Variants in ATG2A observed in about 807,000 individuals in gnomAD.
ATG2A encodes autophagy-related protein 2 homolog A.
Under a neutral mutation model 214.2 loss-of-function variants are expected in ATG2A, and 103 were observed. That is an observed-to-expected ratio of 0.48 (90% CI 0.41 to 0.57). ATG2A has a LOEUF of 0.57. Among genes scored for constraint, ATG2A ranks in the 20% least tolerant of loss-of-function variants. The pLI is 0.00. For synonymous variants in ATG2A, 1,160 were observed against 1,142.1 expected, an observed-to-expected ratio of 1.02 and a Z score of -0.32; for missense variants, 2,312 against 2,613.2, an observed-to-expected ratio of 0.88 and a Z score of 2.51.
chr11:64,896,471 CT>C lies in ATG2A; in HGVS notation c.5417del (p.Gln1806ArgfsTer77). ...CAGGGCACCCACTCACCTGGATAGC[CT>C]GTACCAACCGGTTGCTGAGTTCCAG... Reference protein sequence around the residue: ...AALELSNRLVQAIQATAETVY... With the variant: ...AALELSNRLVXAIQATAETVY... On this transcript the variant is annotated frameshift_variant, in exon 39 of 41. Transcript: ENST00000377264. LOFTEE classifies it high-confidence loss of function. The C allele has an allele frequency of 1.9e-6, 3 of 1,612,346 alleles. No individual in the cohort carries two copies. Among genetic ancestry groups the C allele is most frequent in the Non-Finnish European group, 2.5e-6 (3 of 1,179,228 alleles).
intron 29 of ATG2A, among the ~76,000 whole-genome samples, chr11:64,901,721 C>G (rs1001008060): frequency 6.6e-6 from 1 of 152,144 alleles, no homozygotes; most frequent in Non-Finnish European, 1.5e-5. Flanking sequence ...TCCCTCTGCC[C>G]AAAACACCAG....
At position 64,904,713 on chromosome 11, in the gene ATG2A, G is replaced by A. The variant is rs187980821; in HGVS notation, c.3464+850C>T. Among the ~76,000 whole-genome samples, 6 of 152,140 alleles carry A rather than the reference G, an allele frequency of 3.9e-5. No homozygotes were observed. In the East Asian group the frequency reaches 7.7e-4, roughly 20 times the overall value. ...CAAACTTTCTCTGCAGCTGCACGCC[G>A]AGACATATAAACACCCCTTCATAAA... On this transcript the variant is annotated intron_variant, in intron 24 of 40. Transcript: ENST00000377264.
intron 6 of ATG2A, 72 bp from the exon 7 acceptor site, chr11:64,912,495 C>T: frequency 7.6e-7 from 1 of 1,319,778 alleles, no homozygotes; most frequent in Non-Finnish European, 1.0e-6. Flanking sequence ...CACCCGCCTG[C>T]CCTCGCCCTG....
chr11:64,894,630 A>G lies in ATG2A; in HGVS notation c.*343T>C, dbSNP rs2136528336. On this transcript the variant is annotated 3_prime_UTR_variant, in exon 41 of 41. Coordinates refer to ENST00000377264, the MANE Select transcript of ATG2A (RefSeq NM_015104.3). Reference sequence around the variant, plus strand: ...AAAAATAATACATCGAACCACACGGATATCATCCCCTCCTCCCCCCAGACA... The same window carrying G: ...AAAAATAATACATCGAACCACACGGGTATCATCCCCTCCTCCCCCCAGACA... 1.7e-6 allele frequency: 1 copy of G among 596,008 alleles called. No homozygotes were observed. Among genetic ancestry groups the G allele is most frequent in the South Asian group, 1.5e-5 (1 of 65,800 alleles). 36.9% of individuals were successfully genotyped at this position (596,008 alleles called of 1,614,324 possible). A position where few individuals can be genotyped will look rare whatever the true frequency, so the allele number is the denominator to read the frequency against.
chr11:64,908,359 C>A (rs1944634036), intron 16 of ATG2A, among the ~76,000 whole-genome samples: 1 of 152,164 alleles, frequency 6.6e-6, no homozygotes, highest in African/African-American at 2.4e-5. Flanking sequence ...AGAGGCCAGT[C>A]TGGCCAACAT....
Position 64,903,638 on chromosome 11 carries a change from A to G in ATG2A, c.3487T>C (p.Leu1163=), listed in dbSNP as rs749340781. ...LLRFILDDSA[L]YLSDKCEVET... ...ACCTCACACTTGTCGGACAGGTACA[A>G]GGCGGAGTCATCGAGGATGAACCTG... Residue 1163 remains leucine, a synonymous_variant, in exon 25 of 41, where the codon TTG becomes CTG. Transcript: ENST00000377264. This position sits in a 1 kb window ranked among gnomAD's most constrained non-coding sequence, Gnocchi z 4.2. 1.9e-5 allele frequency: 29 copies of G among 1,549,874 alleles called. No individual in the cohort carries two copies. The highest frequency in any genetic ancestry group is 2.5e-5 in the Non-Finnish European group (29 of 1,146,508).
Position 64,900,575 on chromosome 11 carries a change from G to A in ATG2A, c.4383C>T (p.Pro1461=). 1 of 1,613,244 alleles carries A rather than the reference G, an allele frequency of 6.2e-7. No homozygotes were observed. Among genetic ancestry groups the A allele is most frequent in the Admixed American group, 1.7e-5 (1 of 59,962 alleles). ...PRSSPSRCSG[P]NRPQNSWRTQ... ...TGCGCCATGAGTTCTGGGGCCGGTT[G>A]GGGCCAGAGCAGCGGGAAGGGGAGC... The change falls in exon 31 of 41, where the codon CCC becomes CCT. Residue 1461 remains proline, a synonymous_variant. Coordinates refer to ENST00000377264, the MANE Select transcript of ATG2A (RefSeq NM_015104.3).
Position 64,911,030 on chromosome 11 carries a change from G to T in ATG2A, c.1466+8C>A. 6.2e-7 allele frequency: 1 copy of T among 1,613,952 alleles called. No individual in the cohort carries two copies. Among genetic ancestry groups the T allele is most frequent in the Non-Finnish European group, 8.5e-7 (1 of 1,180,038 alleles). Reference sequence around the variant, plus strand: ...GTCTCTCCTCAGGCCCTGGCCTCGGGCTTATACCGAACATGGCTACAGGGA... The same window carrying T: ...GTCTCTCCTCAGGCCCTGGCCTCGGTCTTATACCGAACATGGCTACAGGGA... On this transcript the variant is annotated splice_region_variant and intron_variant, in intron 10 of 40. Transcript: ENST00000377264.
chr11:64,905,620 G>A lies in ATG2A; in HGVS notation c.3407C>T (p.Ala1136Val), dbSNP rs144321944. ...LYLPVRVLIT[A>V]ETFTLSSNII... ...GTTGCTGGAGAGAGTGAAGGTCTCC[G>A]CGGTGATGAGGACACGCACTGGGAG... The change falls in exon 24 of 41, where the codon GCG becomes GTG. Residue 1136 changes from alanine to valine, a missense_variant. Ala to Val is a moderately conservative substitution (Grantham distance 64, BLOSUM62 0). Coordinates refer to ENST00000377264, the MANE Select transcript of ATG2A (RefSeq NM_015104.3). The A allele has an allele frequency of 4.3e-6, 7 of 1,613,754 alleles. No individual in the cohort carries two copies. The highest frequency in any genetic ancestry group is 4.0e-5 in the African/African-American group (3 of 75,052).
chr11:64,912,200 G>A lies in ATG2A; in HGVS notation c.972C>T (p.Ala324=), dbSNP rs148409083. 2.8e-5 allele frequency: 45 copies of A among 1,613,682 alleles called. No individual in the cohort carries two copies. The highest frequency in any genetic ancestry group is 3.6e-5 in the Non-Finnish European group (43 of 1,179,992). Residue 324 remains alanine, a synonymous_variant, in exon 8 of 41, where the codon GCC becomes GCT. Transcript: ENST00000377264. Reference sequence around the variant, plus strand: ...CCTGCTCAATCAGCCACAGGTCTTCGGCACCTAGCGGGCGGCTCTTGTTCA... The same window carrying A: ...CCTGCTCAATCAGCCACAGGTCTTCAGCACCTAGCGGGCGGCTCTTGTTCA... ...DKLNKSRPLG[A]EDLWLIEQDL... is the part of the protein sequence containing the mutation.
intron 24 of ATG2A, among the ~76,000 whole-genome samples, chr11:64,905,344 C>T (rs1271195170): frequency 1.3e-5 from 2 of 152,212 alleles, no homozygotes; most frequent in African/African-American, 2.4e-5. Context: ...TAGGACAACC[C>T]TCAGACATGA....
In ATG2A at chr11:64,910,130, G is replaced by T; in HGVS notation, c.1773C>A (p.Phe591Leu). Residue 591 changes from phenylalanine to leucine, a missense_variant, in exon 13 of 41, where the codon TTC becomes TTA. By Grantham distance (22) the Phe-to-Leu change is conservative. Transcript: ENST00000377264. ...GGGCCCCCAGCTCCACGTCCGCCTG[G>T]AAGTTGGCCAGGTCCAGGGCCAGTT... ...HSELALDLAN[F>L]QADVELGALD... 1 of 1,612,106 alleles carries T rather than the reference G, an allele frequency of 6.2e-7. No individual in the cohort carries two copies. The highest frequency in any genetic ancestry group is 8.5e-7 in the Non-Finnish European group (1 of 1,179,652).
In ATG2A at chr11:64,906,732, C is replaced by G; in HGVS notation, c.2916G>C (p.Gln972His). Reference sequence around the variant, plus strand: ...AGCCAAGTCCTGGCTGGCCACAGTACTGGGAGACGCTGAAGAGGGTACCGT... The same window carrying G: ...AGCCAAGTCCTGGCTGGCCACAGTAGTGGGAGACGCTGAAGAGGGTACCGT... ...MEHGTLFSVS[Q>H]YCGQPGLGYF... Residue 972 changes from glutamine to histidine, a missense_variant, in exon 20 of 41, where the codon CAG becomes CAC. Coordinates refer to ENST00000377264, the MANE Select transcript of ATG2A (RefSeq NM_015104.3). The G allele has an allele frequency of 1.2e-6, 2 of 1,613,718 alleles. No homozygotes were observed. The highest frequency in any genetic ancestry group is 1.7e-6 in the Non-Finnish European group (2 of 1,180,028).
Position 64,914,516 on chromosome 11 carries a change from A to G in ATG2A, c.172-16T>C, listed in dbSNP as rs1168821935. On this transcript the variant is annotated splice_polypyrimidine_tract_variant and intron_variant, in intron 1 of 40. Transcript: ENST00000377264. ...CGTTCACAGACTGGGAGCAAGCAAG[A>G]GACAAAACCAGCTCAGGGAAACCCC... 19 of 1,609,412 alleles carry G rather than the reference A, an allele frequency of 1.2e-5. No homozygotes were observed. Among genetic ancestry groups the G allele is most frequent in the Non-Finnish European group, 1.6e-5 (19 of 1,178,332 alleles).
At chr11:64,908,000 A>G (rs1944620993) in intron 16 of ATG2A, 110 bp from the exon 17 acceptor site, 2 of 1,310,942 alleles carry the variant, frequency 1.5e-6, no homozygotes, top group Non-Finnish European at 2.1e-6. Flanking sequence ...ATTCATTCAT[A>G]GGAGCCCTTC....
At position 64,910,031 on chromosome 11, in the gene ATG2A, G is replaced by C; in HGVS notation, c.1863+9C>G. ...CACCCCCGGCCTGGCCCTGGCAGGG[G>C]CCTCTCACCAGCAGGCCGGCTGGAG... On this transcript the variant is annotated intron_variant, in intron 13 of 40. Transcript: ENST00000377264. The C allele has an allele frequency of 6.4e-7, 1 of 1,566,060 alleles. No homozygotes were observed. The highest frequency in any genetic ancestry group is 8.6e-7 in the Non-Finnish European group (1 of 1,156,902).
At position 64,903,665 on chromosome 11, in the gene ATG2A, G is replaced by C. The variant is rs772483666; in HGVS notation, c.3465-5C>G. 1.7e-5 allele frequency: 27 copies of C among 1,549,170 alleles called. No homozygotes were observed. The highest frequency in any genetic ancestry group is 1.5e-4 in the East Asian group (6 of 40,882). On this transcript the variant is annotated splice_region_variant and splice_polypyrimidine_tract_variant and intron_variant, in intron 24 of 40. Coordinates refer to ENST00000377264, the MANE Select transcript of ATG2A (RefSeq NM_015104.3). The surrounding 1 kb of genome is among the most constrained non-coding windows in gnomAD (Gnocchi z 4.2). ...GCGGAGTCATCGAGGATGAACCTGG[G>C]GGGGAACAGGGCTGAGAAGGGCCCG...
In ATG2A at chr11:64,897,918, C is replaced by T. The variant is rs201777332; in HGVS notation, c.4915G>A (p.Val1639Ile). The change falls in exon 35 of 41, where the codon GTA (valine) becomes ATA (isoleucine). Residue 1639 changes from valine to isoleucine, a missense_variant. Physicochemically the swap from Val to Ile is conservative, Grantham distance 29 (BLOSUM62 3). Coordinates refer to ENST00000377264, the MANE Select transcript of ATG2A (RefSeq NM_015104.3). ...SSPLEGQAEG[V>I]ETTGSQEAPG... is the part of the protein sequence containing the mutation. The stretch of plus-strand genomic sequence containing the variant: ...GCCTCCTGCGAACCAGTGGTCTCTA[C>T]GCCTTCGGCCTGCCCTTCCAGGGGG... 9.8e-5 allele frequency: 153 copies of T among 1,553,698 alleles called. No homozygotes were observed. Among genetic ancestry groups the T allele is most frequent in the African/African-American group, 8.7e-4 (64 of 73,344 alleles).
chr11:64,898,685 A>G lies in ATG2A; in HGVS notation c.4622T>C (p.Leu1541Pro). ...RLASSQINKF[L>P]YLHTSERMPR... ...CATCCGCTCACTCGTGTGTAGGTAC[A>G]GGAACTTGTTGATCTGGGAGGAGGC... is the stretch of plus-strand genomic sequence containing the variant. The change falls in exon 32 of 41, where the codon CTG (leucine) becomes CCG (proline). Residue 1541 changes from leucine to proline, a missense_variant. By Grantham distance (98) the Leu-to-Pro change is moderately conservative. Transcript: ENST00000377264. The surrounding 1 kb of genome is among the most constrained non-coding windows in gnomAD (Gnocchi z 4.5). 1.2e-6 allele frequency: 2 copies of G among 1,614,070 alleles called. No homozygotes were observed. The highest frequency in any genetic ancestry group is 2.2e-5 in the East Asian group (1 of 44,876).
Sources: gnomAD v4.1 joint callset for allele counts (sites outside exome capture counted in the v4.1 genomes callset) on GRCh38, gnomAD v4.1.1 for gene constraint, Gnocchi (gnomAD v3.1) non-coding constraint, MANE v1.5 for transcripts, NCBI Gene and HGNC (gene_info 2026-07-23, HGNC 2026-07-21) for gene names.